Variants in AUTS2 observed in about 807,000 individuals in gnomAD.
AUTS2 encodes the protein activator of transcription and developmental regulator AUTS2.
In AUTS2, 17 loss-of-function variants were observed where a neutral mutation model predicts 112.4. The ratio of observed to expected loss-of-function variants is 0.15; its 90% CI spans 0.10 to 0.23. The LOEUF (loss-of-function observed/expected upper bound fraction) is 0.23. Ranked by LOEUF, AUTS2 falls within the 10% of genes least tolerant of loss-of-function variation. The pLI is 1.00. For missense variants in AUTS2, 1,510 were observed against 1,701.6 expected (o/e 0.89, Z 1.98); for synonymous variants, 751 against 702.7 (o/e 1.07, Z -1.09).
intron 1 of AUTS2, among the ~76,000 whole-genome samples, chr7:69,621,209 C>A (rs961809117): frequency 2.0e-5 from 3 of 152,292 alleles, no homozygotes; most frequent in African/African-American, 7.2e-5. Context: ...GAAACAGGCA[C>A]ATAGAGTTTA....
At chr7:70,211,252 T>C (rs1455154306) in intron 4 of AUTS2, among the ~76,000 whole-genome samples, 1 of 152,152 alleles carries the variant, frequency 6.6e-6, no homozygotes, top group East Asian at 1.9e-4. Context: ...AAAGTGTATC[T>C]TTTAAACCTT....
At chr7:70,787,503 G>A (rs373876619) in intron 18 of AUTS2, 72 bp downstream of exon 18, 46 of 1,123,388 alleles carry the variant, frequency 4.1e-5, no homozygotes, top group African/African-American at 3.4e-4. Context: ...GGAACTGGCC[G>A]CCCACCCTCC....
chr7:70,742,379 C>CT (rs1338320952), intron 6 of AUTS2, among the ~76,000 whole-genome samples: 1 of 152,176 alleles, frequency 6.6e-6, no homozygotes, highest in Non-Finnish European at 1.5e-5. Context: ...TTGAATGGTT[C>CT]TTACTTTTCA....
chr7:69,671,870 A>G (rs752720138), intron 1 of AUTS2, among the ~76,000 whole-genome samples: 5 of 152,016 alleles, frequency 3.3e-5, no homozygotes, highest in Non-Finnish European at 7.4e-5. Context: ...AAATGTGTAC[A>G]ATGCAACAGA....
chr7:70,614,766 G>A (rs941061074), intron 5 of AUTS2, among the ~76,000 whole-genome samples: 2 of 152,204 alleles, frequency 1.3e-5, no homozygotes, highest in African/African-American at 4.8e-5. Context: ...AAAGTCACTG[G>A]TAATCTGTGC....
At chr7:70,436,791 A>T (rs541649448) in intron 5 of AUTS2, 1 of 152,234 alleles carries the variant, frequency 6.6e-6, no homozygotes, top group Non-Finnish European at 1.5e-5. Flanking sequence ...AGCCTCCAAG[A>T]GAGATCTAAA....
chr7:69,797,753 T>TA (rs1322151702), intron 1 of AUTS2, among the ~76,000 whole-genome samples: 1 of 149,946 alleles, frequency 6.7e-6, no homozygotes. Flanking sequence ...TCTCAGATTT[T>TA]AAAAAAAGAA....
intron 14 of AUTS2, among the ~76,000 whole-genome samples, chr7:70,779,532 G>C (rs1329948772): frequency 6.6e-6 from 1 of 152,216 alleles, no homozygotes; most frequent in African/African-American, 2.4e-5. Context: ...TAGGGGTGAT[G>C]GGTGAGTGGG....
At chr7:69,707,705 A>G (rs933672624) in intron 1 of AUTS2, among the ~76,000 whole-genome samples, 2 of 152,214 alleles carry the variant, frequency 1.3e-5, no homozygotes, top group African/African-American at 2.4e-5. Context: ...ATTAACATAT[A>G]TGAATCTGGT....
intron 4 of AUTS2, among the ~76,000 whole-genome samples, chr7:70,272,654 A>G (rs906560577): frequency 6.6e-6 from 1 of 151,900 alleles, no homozygotes; most frequent in Non-Finnish European, 1.5e-5. Flanking sequence ...ACTATTTTGC[A>G]TCCATGGAAA....
intron 1 of AUTS2, among the ~76,000 whole-genome samples, chr7:69,815,319 T>TA (rs1259395821): frequency 2.1e-4 from 32 of 152,130 alleles, no homozygotes; most frequent in Admixed American, 1.3e-4. Context: ...GAGATATAGA[T>TA]ATCTATATAT....
chr7:69,768,597 TG>T, intron 1 of AUTS2, among the ~76,000 whole-genome samples: 1 of 152,258 alleles, frequency 6.6e-6, no homozygotes, highest in South Asian at 2.1e-4. Flanking sequence ...GAAAACCTTG[TG>T]GGGGTAACTG....
intron 2 of AUTS2, among the ~76,000 whole-genome samples, chr7:69,951,278 A>G (rs1293909022): frequency 6.6e-6 from 1 of 150,918 alleles, no homozygotes; most frequent in Non-Finnish European, 1.5e-5. Flanking sequence ...CCACTGGTCC[A>G]CTCTTGAGTC....
At chr7:70,515,988 C>T (rs1303325879) in intron 5 of AUTS2, among the ~76,000 whole-genome samples, 3 of 152,188 alleles carry the variant, frequency 2.0e-5, no homozygotes, top group African/African-American at 4.8e-5. Context: ...TGGGCCCAAA[C>T]GATCGTTCAC....
intron 2 of AUTS2, among the ~76,000 whole-genome samples, chr7:70,063,721 T>G (rs944185169): frequency 6.6e-6 from 1 of 152,214 alleles, no homozygotes; most frequent in African/African-American, 2.4e-5. Context: ...TCTTTGAATG[T>G]ATTTGTAAAC....
At chr7:69,650,627 G>A (rs931674216) in intron 1 of AUTS2, among the ~76,000 whole-genome samples, 9 of 152,162 alleles carry the variant, frequency 5.9e-5, no homozygotes, top group Admixed American at 3.9e-4. Flanking sequence ...TAGGAATTTC[G>A]AGACAGTGAT....
intron 1 of AUTS2, among the ~76,000 whole-genome samples, chr7:69,600,969 C>G (rs1455224824): frequency 2.7e-5 from 4 of 150,672 alleles, no homozygotes; most frequent in Non-Finnish European, 3.0e-5. Context: ...TTCCAGCCAA[C>G]TGGCTCCTAG....
chr7:69,887,523 G>A (rs1255850109), intron 1 of AUTS2, among the ~76,000 whole-genome samples: 2 of 151,942 alleles, frequency 1.3e-5, no homozygotes, highest in African/African-American at 2.4e-5. Flanking sequence ...TATCACTTAC[G>A]GTAACTACAA....
At chr7:70,778,571 T>TAA (rs796134070) in intron 14 of AUTS2, among the ~76,000 whole-genome samples, 866 of 77,558 alleles carry the variant, frequency 0.011, 9 homozygotes, top group African/African-American at 0.032. Context: ...ATCTCATCTC[T>TAA]AAAAAAAAAA....
Sources: gnomAD v4.1 joint callset for allele counts (sites outside exome capture counted in the v4.1 genomes callset) on GRCh38, gnomAD v4.1.1 for gene constraint, MANE v1.5 for transcripts, NCBI Gene and HGNC (gene_info 2026-07-23, HGNC 2026-07-21) for gene names.